Variants in TDRD12 observed in about 807,000 individuals in gnomAD.
The protein encoded by TDRD12 is tudor domain containing 12, also known as putative ATP-dependent RNA helicase TDRD12.
TDRD12 carries 158 observed loss-of-function variants against 133.5 expected under a neutral mutation model. The observed-to-expected ratio is 1.18, with a 90% confidence interval of 1.04 to 1.35. The LOEUF (loss-of-function observed/expected upper bound fraction) is 1.35, where lower values mean the gene tolerates loss of function less well. Among genes scored for constraint, TDRD12 ranks in the 40% most tolerant of loss-of-function variants. The probability of loss-of-function intolerance (pLI) is 0.00; values close to 1 mark genes in which losing one functional copy is unlikely to be tolerated. For synonymous variants in TDRD12, 460 were observed against 477.9 expected, an observed-to-expected ratio of 0.96 and a Z score of 0.49; for missense variants, 1,443 against 1,321.3, an observed-to-expected ratio of 1.09 and a Z score of -1.43.
At position 32,720,006 on chromosome 19, in the gene TDRD12, A is replaced by T. The variant is rs867698056; in HGVS notation, c.-67A>T. On this transcript the variant is annotated 5_prime_UTR_variant, in exon 1 of 28. Transcript: ENST00000444215. ...GGGCCTGGCCGGGGCGGACGCAGCCAGCCTCACCCGCGACGGTAGGGGACT... is the reference window on the plus strand; with the variant it reads ...GGGCCTGGCCGGGGCGGACGCAGCCTGCCTCACCCGCGACGGTAGGGGACT... 3.9e-5 allele frequency: 59 copies of T among 1,530,584 alleles called. No individual in the cohort carries two copies. In the African/African-American group the frequency reaches 5.0e-4, roughly 13 times the overall value. The allele number at this position is 1,530,584 out of a possible 1,614,324, so 94.8% of individuals were successfully genotyped here.
intron 1 of TDRD12, among the ~76,000 whole-genome samples, chr19:32,729,346 T>A (rs1363864281): frequency 6.6e-6 from 1 of 150,474 alleles, no homozygotes; most frequent in Non-Finnish European, 1.5e-5. Flanking sequence ...GCCTCCCGAG[T>A]AGCTGGGACT....
chr19:32,777,129 T>TA lies in TDRD12; in HGVS notation c.1041-20_1041-19insA. On this transcript the variant is annotated intron_variant, in intron 10 of 27. Coordinates refer to ENST00000444215, the Ensembl canonical transcript of TDRD12. ...GCTGCTGTTCACAAATTTTAATGAA[T>TA]TTTTTTTTTTCATTTCTAGTGCTTT... 9.3e-7 allele frequency: 1 copy of TA among 1,070,432 alleles called. No homozygotes were observed. The allele number at this position is 1,070,432 out of a possible 1,614,324, so 66.3% of individuals were successfully genotyped here.
intron 3 of TDRD12, among the ~76,000 whole-genome samples, chr19:32,741,432 A>G (rs1266589030): frequency 2.0e-5 from 3 of 152,244 alleles, no homozygotes; most frequent in African/African-American, 4.8e-5. Flanking sequence ...TTTATCAGAC[A>G]TTGGGAATTT....
At chr19:32,756,120 C>T (rs1371930364) in exon 7 of TDRD12, 1 of 1,472,756 alleles carries the variant, frequency 6.8e-7, no homozygotes, top group Non-Finnish European at 8.9e-7. Flanking sequence ...TCAATAAACT[C>T]AATCCAGCAC....
At chr19:32,772,894 G>C (rs748454182) in intron 9 of TDRD12, 44 bp downstream of exon 9, 2 of 1,153,564 alleles carry the variant, frequency 1.7e-6, no homozygotes, top group Non-Finnish European at 2.3e-6. Context: ...TTCATATAGT[G>C]TTAATTTTCA....
At chr19:32,825,428 G>A (rs1967558345), downstream of TDRD12, among the ~76,000 whole-genome samples, 1 of 152,140 alleles carries the variant, frequency 6.6e-6, no homozygotes, top group Non-Finnish European at 1.5e-5. The surrounding 1 kb of genome is among the most constrained non-coding windows in gnomAD (Gnocchi z 4.1). Flanking sequence ...GTGCGTGCTG[G>A]CCGCTGTCCT....
intron 21 of TDRD12, among the ~76,000 whole-genome samples, chr19:32,807,176 G>T (rs1971574026): frequency 6.7e-6 from 1 of 148,158 alleles, no homozygotes; most frequent in African/African-American, 2.5e-5. Context: ...TGAGCAGGGA[G>T]GATCTCTTGA....
intron 8 of TDRD12, among the ~76,000 whole-genome samples, chr19:32,770,407 T>C (rs1371608890): frequency 2.6e-5 from 4 of 152,166 alleles, no homozygotes; most frequent in Admixed American, 2.0e-4. Flanking sequence ...CCTTTTTTAC[T>C]CTTATATATA....
chr19:32,725,617 G>A (rs537290630), intron 1 of TDRD12, among the ~76,000 whole-genome samples: 19 of 152,236 alleles, frequency 1.2e-4, no homozygotes, highest in African/African-American at 4.6e-4. Context: ...GGTTACTGTA[G>A]CCTTGTAGTA....
chr19:32,758,697 G>T (rs956636325), intron 8 of TDRD12, among the ~76,000 whole-genome samples: 1 of 152,158 alleles, frequency 6.6e-6, no homozygotes, highest in Non-Finnish European at 1.5e-5. Context: ...CACCTTGGGA[G>T]GTCAAGGCTG....
chr19:32,797,609 G>C, intron 14 of TDRD12, 126 bp from the exon 15 acceptor site: 1 of 536,500 alleles, frequency 1.9e-6, no homozygotes, highest in Non-Finnish European at 3.3e-6. Context: ...TTTCTGACCT[G>C]TATGATGATT....
intron 13 of TDRD12, among the ~76,000 whole-genome samples, chr19:32,793,789 G>T (rs1015490695): frequency 1.5e-5 from 2 of 133,778 alleles, no homozygotes; most frequent in African/African-American, 2.9e-5. Flanking sequence ...ATTAAAGCAA[G>T]AATCTTTTTT....
chr19:32,728,910 G>A (rs1240785828), intron 1 of TDRD12, among the ~76,000 whole-genome samples: 5 of 150,092 alleles, frequency 3.3e-5, no homozygotes, highest in African/African-American at 4.9e-5. Context: ...GCCTCCCAAA[G>A]TGCTGGGATT....
At chr19:32,769,509 G>A (rs1970386156) in intron 8 of TDRD12, among the ~76,000 whole-genome samples, 2 of 152,184 alleles carry the variant, frequency 1.3e-5, no homozygotes, top group African/African-American at 4.8e-5. Flanking sequence ...AGCCTCACCA[G>A]CAGAGTTTCA....
chr19:32,804,134 G>C (rs965877201), intron 21 of TDRD12, among the ~76,000 whole-genome samples: 2 of 151,514 alleles, frequency 1.3e-5, no homozygotes, highest in African/African-American at 4.8e-5. Context: ...GTGCAGTGGC[G>C]CCATCTCGGC....
intron 1 of TDRD12, among the ~76,000 whole-genome samples, chr19:32,730,592 C>A (rs563445393): frequency 4.6e-5 from 7 of 152,176 alleles, no homozygotes; most frequent in African/African-American, 1.7e-4. Flanking sequence ...AATGTTCAAA[C>A]CTTCAGAAAA....
chr19:32,820,063 AGAG>A (rs1200580165), intron 27 of TDRD12, among the ~76,000 whole-genome samples: 14 of 152,164 alleles, frequency 9.2e-5, no homozygotes, highest in Non-Finnish European at 1.6e-4. Context: ...TCTACCTAGC[AGAG>A]GAGGATCTAT....
At chr19:32,734,827 A>C (rs113919484) in intron 2 of TDRD12, among the ~76,000 whole-genome samples, 4 of 152,078 alleles carry the variant, frequency 2.6e-5, no homozygotes. Flanking sequence ...TCTCTGTGTC[A>C]CATCTTGGTA....
chr19:32,780,084 C>CTTTTTTT (rs11395360), intron 11 of TDRD12, among the ~76,000 whole-genome samples: 13 of 127,772 alleles, frequency 1.0e-4, no homozygotes, highest in African/African-American at 2.1e-4. Context: ...TTTTTCTTTT[C>CTTTTTTT]TTTTTTTTTT....
Sources: allele counts gnomAD v4.1 joint callset (sites outside exome capture counted in the v4.1 genomes callset), GRCh38; gene constraint gnomAD v4.1.1; non-coding constraint Gnocchi (gnomAD v3.1); transcripts MANE v1.5; gene names NCBI Gene and HGNC (gene_info 2026-07-23, HGNC 2026-07-21).